Variants in DGKH observed in about 807,000 individuals in gnomAD.
The protein encoded by DGKH is diacylglycerol kinase eta.
A neutral mutation model predicts 159.3 loss-of-function variants in DGKH; 90 were observed. The observed-to-expected ratio is 0.57, with a 90% CI of 0.48 to 0.67. The LOEUF (loss-of-function observed/expected upper bound fraction) is 0.67, where lower values mean the gene tolerates loss of function less well. Among genes scored for constraint, DGKH ranks in the 30% least tolerant of loss-of-function variants. The pLI, the probability that DGKH is intolerant of heterozygous loss-of-function variation, is 0.00. For synonymous variants in DGKH, 536 were observed against 553.8 expected, an observed-to-expected ratio of 0.97 and a Z score of 0.45; for missense variants, 1,181 against 1,506.1, an observed-to-expected ratio of 0.78 and a Z score of 3.57.
At chr13:42,159,422 G>A (rs937913053) in intron 6 of DGKH, 50 bp downstream of exon 6, 2 of 1,264,322 alleles carry the variant, frequency 1.6e-6, no homozygotes, top group Admixed American at 1.7e-5. Context: ...CCTCTTTTAT[G>A]TTCTGCTCTT....
At chr13:42,181,048 G>A (rs1450726304) in intron 13 of DGKH, among the ~76,000 whole-genome samples, 6 of 151,874 alleles carry the variant, frequency 4.0e-5, no homozygotes, top group African/African-American at 1.2e-4. Flanking sequence ...AGGCCGAGGC[G>A]GGCGGATCAC....
intron 1 of DGKH, among the ~76,000 whole-genome samples, chr13:42,096,993 G>T (rs1954552364): frequency 6.6e-6 from 1 of 152,182 alleles, no homozygotes; most frequent in Non-Finnish European, 1.5e-5. Context: ...TGAAGGCATT[G>T]TTCCACTGAG....
intron 30 of DGKH, among the ~76,000 whole-genome samples, chr13:42,255,189 A>G (rs1187900407): frequency 6.6e-6 from 1 of 151,556 alleles, no homozygotes; most frequent in Non-Finnish European, 1.5e-5. Flanking sequence ...ATATCTTTTA[A>G]CCATGCTATT....
rs1280193054 is a variant in DGKH at position 42,189,134 on chromosome 13, G to T, written c.1737G>T (p.Val579=). ...PVLPGLSPLI[V]EEDAVESSSE... is the part of the protein sequence containing the mutation. ...TCCCTGGCCTCAGCCCTCTCATTGT[G>T]GAAGAAGATGCTGTGGAATCGTCCA... Residue 579 remains valine, a synonymous_variant, in exon 15 of 30, where the codon GTG becomes GTT. Transcript: ENST00000337343. 4.3e-6 allele frequency: 7 copies of T among 1,614,120 alleles called. No individual in the cohort carries two copies. The African/African-American group carries it at 9.3e-5, about 22-fold the overall frequency.
At chr13:42,252,048 G>A (rs942264774) in intron 29 of DGKH, among the ~76,000 whole-genome samples, 1 of 152,018 alleles carries the variant, frequency 6.6e-6, no homozygotes, top group African/African-American at 2.4e-5. Flanking sequence ...TAACCTCTGT[G>A]GTCACAAGTG....
At chr13:42,190,637 A>G (rs1957042471) in intron 16 of DGKH, 112 bp downstream of exon 16, 1 of 1,113,034 alleles carries the variant, frequency 9.0e-7, no homozygotes, top group African/African-American at 1.6e-5. Context: ...TATTTTTGAA[A>G]AGGCTTTTTG....
intron 1 of DGKH, among the ~76,000 whole-genome samples, chr13:42,072,497 G>GTAAA (rs1247131647): frequency 6.6e-6 from 1 of 152,200 alleles, no homozygotes; most frequent in African/African-American, 2.4e-5. Context: ...TCCACAGTAA[G>GTAAA]TAAATAAAAT....
intron 27 of DGKH, 46 bp from the exon 28 acceptor site, chr13:42,219,640 C>A: frequency 6.7e-7 from 1 of 1,483,674 alleles, no homozygotes; most frequent in Non-Finnish European, 9.3e-7. Context: ...AGGTTTTTCT[C>A]CTTTTCATAT....
chr13:42,127,583 G>A lies in DGKH; in HGVS notation c.303+10G>A, dbSNP rs200027507. The A allele has an allele frequency of 6.2e-6, 10 of 1,609,396 alleles. No homozygotes were observed. The highest frequency in any genetic ancestry group is 5.3e-5 in the African/African-American group (4 of 74,816). ...TGCAAAGGACTCAAAGGTAACTCAC[G>A]AGAATACTAGTTTCAAGCAATTGAG... On this transcript the variant is annotated intron_variant, in intron 2 of 29. Coordinates refer to ENST00000337343, the MANE Select transcript of DGKH (RefSeq NM_178009.5).
rs1315638669 is a variant in DGKH, at chr13:42,233,534, A to G, written c.*4346A>G. 1.3e-5 allele frequency: 2 copies of G among 152,222 alleles called. No homozygotes were observed. Among genetic ancestry groups the G allele is most frequent in the African/African-American group, 4.8e-5 (2 of 41,462 alleles). 9.4% of individuals were successfully genotyped at this position (152,222 alleles called of 1,614,324 possible). ...TCCTATTCATTCTTCAGCTAACTCC[A>G]GCAATGAGCTGAAACTCATTCATCA... On this transcript the variant is annotated 3_prime_UTR_variant, in exon 30 of 30. Coordinates refer to ENST00000337343, the MANE Select transcript of DGKH (RefSeq NM_178009.5).
intron 1 of DGKH, among the ~76,000 whole-genome samples, chr13:42,120,476 C>T (rs189395647): frequency 1.4e-3 from 212 of 152,252 alleles, no homozygotes; most frequent in African/African-American, 4.4e-3. Context: ...TAATTATTAA[C>T]TACTGCTGAA....
chr13:42,118,164 C>T (rs1358042779), intron 1 of DGKH, among the ~76,000 whole-genome samples: 1 of 152,066 alleles, frequency 6.6e-6, no homozygotes, highest in African/African-American at 2.4e-5. Context: ...TTGCAGTGAG[C>T]CCAGGTCGCA....
intron 2 of DGKH, 63 bp from the exon 3 acceptor site, chr13:42,129,489 G>A: frequency 7.4e-7 from 1 of 1,351,086 alleles, no homozygotes; most frequent in Non-Finnish European, 1.0e-6. Flanking sequence ...TTGAAAAAAT[G>A]TATTGAAGAG....
rs1202165401 is a variant in DGKH, at chr13:42,238,271, T to A, written c.*9083T>A. On this transcript the variant is annotated 3_prime_UTR_variant, in exon 30 of 30. Coordinates refer to ENST00000337343, the MANE Select transcript of DGKH (RefSeq NM_178009.5). ...TAGAAATTAGAAGTTCAAATTGATA[T>A]CCCTGATGTTTAATTTAAAAATGAA... 2.6e-5 allele frequency: 4 copies of A among 152,234 alleles called. No homozygotes were observed. The highest frequency in any genetic ancestry group is 4.4e-5 in the Non-Finnish European group (3 of 68,036). The allele number at this position is 152,234 out of a possible 1,614,324, so 9.4% of individuals were successfully genotyped here.
intron 1 of DGKH, among the ~76,000 whole-genome samples, chr13:42,076,667 A>C (rs1255776487): frequency 1.3e-5 from 2 of 152,170 alleles, no homozygotes; most frequent in African/African-American, 4.8e-5. Flanking sequence ...TTTAACATAT[A>C]ATGTTGGGAA....
chr13:42,190,734 C>T (rs903881395), intron 16 of DGKH, among the ~76,000 whole-genome samples: 2 of 152,186 alleles, frequency 1.3e-5, no homozygotes, highest in Non-Finnish European at 2.9e-5. Flanking sequence ...ACATCCCTCT[C>T]TTATCATGTA....
At chr13:42,122,846 T>G (rs994034158) in intron 1 of DGKH, among the ~76,000 whole-genome samples, 1 of 152,180 alleles carries the variant, frequency 6.6e-6, no homozygotes, top group Non-Finnish European at 1.5e-5. Flanking sequence ...TAGGAGGAAA[T>G]TTTGTCTTCA....
rs536636130 is a variant in DGKH at position 42,089,328 on chromosome 13, A to G, written c.193-38135A>G. Among the ~76,000 whole-genome samples the G allele has an allele frequency of 1.4e-4, 22 of 152,298 alleles. No individual in the cohort carries two copies. The South Asian group carries it at 4.6e-3, about 32-fold the overall frequency. On this transcript the variant is annotated intron_variant, in intron 1 of 29. Coordinates refer to ENST00000337343, the MANE Select transcript of DGKH (RefSeq NM_178009.5). ...TACATTCTTTTCAAATATATTTCCT[A>G]AGATAGGCCATATTCTAGATAATAA... is the stretch of plus-strand genomic sequence containing the variant.
upstream of DGKH, among the ~76,000 whole-genome samples, chr13:42,044,711 G>A (rs1030020041): frequency 3.3e-5 from 5 of 152,154 alleles, no homozygotes; most frequent in African/African-American, 7.2e-5. Flanking sequence ...TAGCATTCTG[G>A]GGAAGTCATT....
Sources: allele counts gnomAD v4.1 joint callset (sites outside exome capture counted in the v4.1 genomes callset), GRCh38; gene constraint gnomAD v4.1.1; transcripts MANE v1.5; gene names NCBI Gene and HGNC (gene_info 2026-07-23, HGNC 2026-07-21).